SDK1: variants seen among roughly 807,000 people sequenced by gnomAD.
SDK1 encodes the protein protein sidekick-1.
A neutral mutation model predicts 245.5 loss-of-function variants in SDK1; 157 were observed. That is an observed-to-expected ratio of 0.64 (90% CI 0.56 to 0.73). The LOEUF (loss-of-function observed/expected upper bound fraction) is 0.73, where lower values mean the gene tolerates loss of function less well. Among genes scored for constraint, SDK1 ranks in the 30% least tolerant of loss-of-function variants. SDK1 has a pLI of 0.00. For synonymous variants in SDK1, 1,647 were observed against 1,278.5 expected, an observed-to-expected ratio of 1.29 and a Z score of -6.15; for missense variants, 3,583 against 3,002.3, an observed-to-expected ratio of 1.19 and a Z score of -4.52.
At chr7:4,083,638 T>A (rs535501910) in intron 22 of SDK1, among the ~76,000 whole-genome samples, 10 of 72,654 alleles carry the variant, frequency 1.4e-4, no homozygotes, top group Non-Finnish European at 2.4e-4. Context: ...CCTCCTTTCC[T>A]TCCTTCCTTC....
At chr7:3,851,781 A>G (rs1780425939) in intron 5 of SDK1, among the ~76,000 whole-genome samples, 1 of 152,234 alleles carries the variant, frequency 6.6e-6, no homozygotes, top group African/African-American at 2.4e-5. Context: ...AGAATTGGAC[A>G]TTGAAGCTAA....
chr7:3,884,969 T>C (rs920506375), intron 5 of SDK1, among the ~76,000 whole-genome samples: 1 of 152,134 alleles, frequency 6.6e-6, no homozygotes, highest in Non-Finnish European at 1.5e-5. Flanking sequence ...GCTGCGCAAA[T>C]TGGAAAGGAG....
chr7:4,219,588 C>T (rs1460470944), intron 38 of SDK1, among the ~76,000 whole-genome samples: 1 of 152,160 alleles, frequency 6.6e-6, no homozygotes, highest in African/African-American at 2.4e-5. Flanking sequence ...TTATCTCCCC[C>T]AGGCCCCACC....
intron 36 of SDK1, among the ~76,000 whole-genome samples, chr7:4,207,178 C>T (rs1051999970): frequency 3.3e-5 from 5 of 152,176 alleles, no homozygotes; most frequent in South Asian, 2.1e-4. Context: ...GCAAGGCGGG[C>T]GGGTGTGCGA....
chr7:4,265,579 C>T lies in SDK1; in HGVS notation c.*195C>T, dbSNP rs1428189942. 6.7e-6 allele frequency: 9 copies of T among 1,340,780 alleles called. No homozygotes were observed. Among genetic ancestry groups the T allele is most frequent in the Non-Finnish European group, 7.6e-6 (8 of 1,055,254 alleles). 83.1% of individuals were successfully genotyped at this position (1,340,780 alleles called of 1,614,324 possible). On this transcript the variant is annotated 3_prime_UTR_variant, in exon 45 of 45. Transcript: ENST00000404826. ...TTTTTTAAACGGCTTTTTGTAACTT[C>T]GCTGCAGGAAGCAGGTTTGTTTCTT...
intron 1 of SDK1, among the ~76,000 whole-genome samples, chr7:3,410,085 A>G (rs2128577026): frequency 6.6e-6 from 1 of 152,330 alleles, no homozygotes; most frequent in East Asian, 1.9e-4. Context: ...GTCCATAACA[A>G]TGTCTGGCAC....
chr7:3,524,251 C>G (rs59804549), intron 1 of SDK1, among the ~76,000 whole-genome samples: 5,429 of 152,158 alleles, frequency 0.036, 305 homozygotes, highest in African/African-American at 0.12. Context: ...TATTTGGAGT[C>G]AGATGACAAG....
At chr7:3,804,001 T>C (rs1779177526) in intron 4 of SDK1, among the ~76,000 whole-genome samples, 2 of 152,152 alleles carry the variant, frequency 1.3e-5, no homozygotes, top group Admixed American at 6.5e-5. Flanking sequence ...CCTGACCTCG[T>C]GATCCACCTG....
rs555237101 is a variant in SDK1 at position 3,510,922 on chromosome 7, A to G, written c.299-108158A>G. On this transcript the variant is annotated intron_variant, in intron 1 of 44. Coordinates refer to ENST00000404826, the MANE Select transcript of SDK1 (RefSeq NM_152744.4). ...AAATATGTCAAATTAAAATATTTTG[A>G]TTTCCTTCCGTGGGAAGCCATCAGA... is the stretch of plus-strand genomic sequence containing the variant. Among the ~76,000 whole-genome samples, 4 of 152,332 alleles carry G rather than the reference A, an allele frequency of 2.6e-5. No individual in the cohort carries two copies. In the South Asian group the frequency reaches 8.3e-4, roughly 32 times the overall value.
At chr7:4,049,519 G>A (rs1369836667) in intron 18 of SDK1, 56 bp downstream of exon 18, 31 of 1,363,132 alleles carry the variant, frequency 2.3e-5, no homozygotes, top group Middle Eastern at 3.6e-4. Flanking sequence ...GAGCCACAGC[G>A]CGACGCAGCT....
intron 5 of SDK1, among the ~76,000 whole-genome samples, chr7:3,897,127 C>T (rs776618311): frequency 4.6e-5 from 7 of 152,196 alleles, no homozygotes; most frequent in Non-Finnish European, 8.8e-5. Flanking sequence ...CCCACTAGGC[C>T]ACTGCCACAA....
At chr7:4,137,930 G>GA (rs1779203638) in intron 28 of SDK1, among the ~76,000 whole-genome samples, 2 of 152,180 alleles carry the variant, frequency 1.3e-5, no homozygotes, top group African/African-American at 2.4e-5. Context: ...TTTATGTACA[G>GA]AAAAAAAGCT....
chr7:3,711,632 C>G (rs1236768296), intron 4 of SDK1, among the ~76,000 whole-genome samples: 1 of 152,098 alleles, frequency 6.6e-6, no homozygotes, highest in African/African-American at 2.4e-5. Flanking sequence ...GTTCAAAGAG[C>G]CCAAAGCAGA....
chr7:4,268,469 C>G lies in SDK1; in HGVS notation c.*3085C>G. Reference sequence around the variant, plus strand: ...CTGCTTTTATAAGGCGCACTTCACTCAATGCTGTAGCCAAAAAACGAGGGG... The same window carrying G: ...CTGCTTTTATAAGGCGCACTTCACTGAATGCTGTAGCCAAAAAACGAGGGG... On this transcript the variant is annotated 3_prime_UTR_variant, in exon 45 of 45. Coordinates refer to ENST00000404826, the MANE Select transcript of SDK1 (RefSeq NM_152744.4). 1 of 1,165,818 alleles carries G rather than the reference C, an allele frequency of 8.6e-7. No homozygotes were observed. Among genetic ancestry groups the G allele is most frequent in the Non-Finnish European group, 1.1e-6 (1 of 927,664 alleles). 72.2% of individuals were successfully genotyped at this position (1,165,818 alleles called of 1,614,324 possible).
intron 1 of SDK1, among the ~76,000 whole-genome samples, chr7:3,474,573 T>C (rs1199047869): frequency 6.6e-6 from 1 of 152,120 alleles, no homozygotes; most frequent in African/African-American, 2.4e-5. Flanking sequence ...ACACTTTGTG[T>C]CTTACCTGTT....
chr7:3,418,101 G>A (rs1209978333), intron 1 of SDK1, among the ~76,000 whole-genome samples: 2 of 133,728 alleles, frequency 1.5e-5, no homozygotes, highest in African/African-American at 6.1e-5. Flanking sequence ...AGGAATTCAA[G>A]ACCAGCCTGG....
rs115696522 is a variant in SDK1 at position 3,349,489 on chromosome 7, A to G, written c.298+47605A>G. The stretch of plus-strand genomic sequence containing the variant: ...CACAGTGTCCATGAAGGAGCTGGCT[A>G]GGCATGTGTTCTGCGGGGACCAGCC... On this transcript the variant is annotated intron_variant, in intron 1 of 44. Coordinates refer to ENST00000404826, the MANE Select transcript of SDK1 (RefSeq NM_152744.4). 4.1e-3 allele frequency among the ~76,000 whole-genome samples: 620 copies of G among 152,320 alleles called. 6 individuals are homozygous for G. Among genetic ancestry groups the G allele is most frequent in the African/African-American group, 0.014 (570 of 41,578 alleles).
chr7:3,517,218 G>T (rs1208441228), intron 1 of SDK1, among the ~76,000 whole-genome samples: 1 of 152,088 alleles, frequency 6.6e-6, no homozygotes, highest in Non-Finnish European at 1.5e-5. Context: ...TTATAAGAGT[G>T]CCCAGTAATT....
chr7:3,699,839 C>T (rs1784689689), intron 4 of SDK1, among the ~76,000 whole-genome samples: 2 of 152,008 alleles, frequency 1.3e-5, no homozygotes, highest in South Asian at 4.1e-4. Context: ...TTTTAAAACA[C>T]ATAACCTTTC....
Sources: gnomAD v4.1 joint callset for allele counts (sites outside exome capture counted in the v4.1 genomes callset) on GRCh38, gnomAD v4.1.1 for gene constraint, MANE v1.5 for transcripts, NCBI Gene and HGNC (gene_info 2026-07-23, HGNC 2026-07-21) for gene names.